The following SCYL3 variants were observed in gnomAD, a reference collection of about 807,000 sequenced individuals.
SCYL3 encodes the protein SCY1 like pseudokinase 3, also known as protein-associating with the carboxyl-terminal domain of ezrin.
Under a neutral mutation model 73.8 loss-of-function variants are expected in SCYL3, and 35 were observed. That is an observed-to-expected ratio of 0.47 (90% CI 0.36 to 0.63). The LOEUF (loss-of-function observed/expected upper bound fraction) is 0.63, where lower values mean the gene tolerates loss of function less well. SCYL3 is among the 20% of genes least tolerant of loss of function. The pLI is 0.00. For missense variants in SCYL3, 712 were observed against 798.9 expected (o/e 0.89, Z 1.31); for synonymous variants, 277 against 295.2 (o/e 0.94, Z 0.63).
intron 12 of SCYL3, 107 bp downstream of exon 12, chr1:169,854,163 T>TGACTTGACTA: frequency 1.1e-6 from 1 of 892,338 alleles, no homozygotes; most frequent in Non-Finnish European, 1.7e-6. Flanking sequence ...GTGCTTGACT[T>TGACTTGACTA]GACTAGGAAA....
chr1:169,886,193 C>T (rs747048703), intron 2 of SCYL3, among the ~76,000 whole-genome samples: 4 of 152,094 alleles, frequency 2.6e-5, no homozygotes, highest in Admixed American at 6.5e-5. Flanking sequence ...TGCCTGTAAT[C>T]CCAGCTACGT....
At chr1:169,880,580 T>A (rs1661168647) in intron 2 of SCYL3, among the ~76,000 whole-genome samples, 1 of 88,318 alleles carries the variant, frequency 1.1e-5, no homozygotes, top group African/African-American at 3.6e-5. Context: ...AAAGGCAAAA[T>A]AAAAGCACTT....
rs758947038 is a variant in SCYL3, at chr1:169,852,628, A to ATAT, written c.*1082_*1084dup. The ATAT allele has an allele frequency of 7.4e-6, 5 of 676,986 alleles. No homozygotes were observed. The highest frequency in any genetic ancestry group is 1.8e-5 in the African/African-American group (1 of 55,118). 41.9% of individuals were successfully genotyped at this position (676,986 alleles called of 1,614,324 possible). A position where few individuals can be genotyped will look rare whatever the true frequency, so the allele number is the denominator to read the frequency against. The stretch of plus-strand genomic sequence containing the variant: ...CTATGATAAACCAAAATGCCTTTAC[A>ATAT]TATTTTTCTAGATGACTGTGTAGGG... On this transcript the variant is annotated 3_prime_UTR_variant, in exon 13 of 13. Transcript: ENST00000367771.
In SCYL3 at chr1:169,849,827, G is replaced by T. The variant is rs187942927; in HGVS notation, c.*3886C>A. On this transcript the variant is annotated 3_prime_UTR_variant, in exon 13 of 13. Coordinates refer to ENST00000367771, the MANE Select transcript of SCYL3 (RefSeq NM_020423.7). ...TCTGAATAAACAAGGACCAGAACAG[G>T]CATACACAGCAGGCCTACTGATACA... 3.7e-6 allele frequency: 2 copies of T among 540,326 alleles called. No homozygotes were observed. The highest frequency in any genetic ancestry group is 6.4e-5 in the East Asian group (2 of 31,436). The allele number at this position is 540,326 out of a possible 1,614,324, so 33.5% of individuals were successfully genotyped here.
At chr1:169,857,772 T>G (rs981544766) in intron 11 of SCYL3, among the ~76,000 whole-genome samples, 1 of 152,154 alleles carries the variant, frequency 6.6e-6, no homozygotes, top group Non-Finnish European at 1.5e-5. Flanking sequence ...GGGGACATGT[T>G]CTGAGAAATG....
chr1:169,864,603 T>C lies in SCYL3; in HGVS notation c.816-95A>G, dbSNP rs959861245. 58 of 1,217,244 alleles carry C rather than the reference T, an allele frequency of 4.8e-5. No individual in the cohort carries two copies. The Admixed American group carries it at 4.9e-4, about 10-fold the overall frequency. 75.4% of individuals were successfully genotyped at this position (1,217,244 alleles called of 1,614,324 possible). A position where few individuals can be genotyped will look rare whatever the true frequency, so the allele number is the denominator to read the frequency against. ...CTACACACATCCTCTCTCTCACTTC[T>C]ATCAAAGTGATGCATTTGAAATGGA... On this transcript the variant is annotated intron_variant, in intron 8 of 12. Coordinates refer to ENST00000367771, the MANE Select transcript of SCYL3 (RefSeq NM_020423.7).
Position 169,850,455 on chromosome 1 carries a change from G to A in SCYL3, c.*3258C>T, listed in dbSNP as rs905162562. On this transcript the variant is annotated 3_prime_UTR_variant, in exon 13 of 13. Coordinates refer to ENST00000367771, the MANE Select transcript of SCYL3 (RefSeq NM_020423.7). ...CTTCTTAGCTTAAACTTTTCACAGTGCTGAGCACAGTGCTGACGACTTTTA... is the reference window on the plus strand; with the variant it reads ...CTTCTTAGCTTAAACTTTTCACAGTACTGAGCACAGTGCTGACGACTTTTA... 1.2e-4 allele frequency: 90 copies of A among 726,452 alleles called. No individual in the cohort carries two copies. Among genetic ancestry groups the A allele is most frequent in the East Asian group, 1.6e-4 (6 of 37,148 alleles). The allele number at this position is 726,452 out of a possible 1,614,324, so 45.0% of individuals were successfully genotyped here.
intron 3 of SCYL3, among the ~76,000 whole-genome samples, chr1:169,877,337 T>C (rs1260004328): frequency 1.3e-5 from 2 of 152,062 alleles, no homozygotes; most frequent in Non-Finnish European, 2.9e-5. Context: ...TGAAATGTTT[T>C]TGTAGAGATA....
At chr1:169,868,132 G>A (rs983632861) in intron 7 of SCYL3, among the ~76,000 whole-genome samples, 5 of 152,264 alleles carry the variant, frequency 3.3e-5, no homozygotes, top group Admixed American at 3.3e-4. Context: ...AACCATAAAT[G>A]CTACTTATTT....
intron 1 of SCYL3, among the ~76,000 whole-genome samples, chr1:169,889,194 T>C (rs1429167600): frequency 6.6e-6 from 1 of 152,232 alleles, no homozygotes; most frequent in Non-Finnish European, 1.5e-5. Context: ...TAATTCATAC[T>C]TCCTAACTCA....
chr1:169,874,567 G>A (rs1660658078), intron 4 of SCYL3, among the ~76,000 whole-genome samples: 1 of 152,186 alleles, frequency 6.6e-6, no homozygotes, highest in South Asian at 2.1e-4. Context: ...TGTGAAGGAA[G>A]AAGGCATATG....
chr1:169,886,094 C>T (rs1261415560), intron 2 of SCYL3, among the ~76,000 whole-genome samples: 2 of 152,122 alleles, frequency 1.3e-5, no homozygotes, highest in Non-Finnish European at 2.9e-5. Flanking sequence ...AGGCGGATCA[C>T]GAGGTCGAGA....
chr1:169,881,775 T>G (rs1315637620), intron 2 of SCYL3, among the ~76,000 whole-genome samples: 1 of 152,174 alleles, frequency 6.6e-6, no homozygotes, highest in Non-Finnish European at 1.5e-5. Flanking sequence ...ATGAACACAA[T>G]TTTTTCATGG....
Position 169,854,605 on chromosome 1 carries a change from ACT to A in SCYL3, c.1670_1671del (p.Glu557ValfsTer13). The A allele has an allele frequency of 6.2e-7, 1 of 1,613,714 alleles. No individual in the cohort carries two copies. ...GGTAAGCTTGATTTCCAAGGCATAG[ACT>A]CTTCAGTGAGTGAAAGCAAAGCAGG... ...PIPALLSLTE[E>X]SMPWKSSLPQ... On this transcript the variant is annotated frameshift_variant, in exon 12 of 13. Coordinates refer to ENST00000367771, the MANE Select transcript of SCYL3 (RefSeq NM_020423.7). LOFTEE classifies it high-confidence loss of function.
At chr1:169,877,006 A>G (rs986318430) in intron 3 of SCYL3, among the ~76,000 whole-genome samples, 1 of 149,872 alleles carries the variant, frequency 6.7e-6, no homozygotes, top group Non-Finnish European at 1.5e-5. Flanking sequence ...CCCACAGACC[A>G]CAAAAGAGCC....
In SCYL3 at chr1:169,849,892, G is replaced by A; in HGVS notation, c.*3821C>T. 2.1e-6 allele frequency: 1 copy of A among 468,498 alleles called. No homozygotes were observed. The highest frequency in any genetic ancestry group is 3.8e-5 in the East Asian group (1 of 25,996). The allele number at this position is 468,498 out of a possible 1,614,324, so 29.0% of individuals were successfully genotyped here. On this transcript the variant is annotated 3_prime_UTR_variant, in exon 13 of 13. Coordinates refer to ENST00000367771, the MANE Select transcript of SCYL3 (RefSeq NM_020423.7). ...CAGTCTTCCAGCAGATAGTATTTTTGGGTCAAATGATAATACATTTCATTT... is the reference window on the plus strand; with the variant it reads ...CAGTCTTCCAGCAGATAGTATTTTTAGGTCAAATGATAATACATTTCATTT...
At chr1:169,864,775 C>T (rs1283936241) in intron 8 of SCYL3, among the ~76,000 whole-genome samples, 1 of 152,076 alleles carries the variant, frequency 6.6e-6, no homozygotes, top group Non-Finnish European at 1.5e-5. Context: ...GCTTGGCCAA[C>T]ATGGTGAAAC....
intron 9 of SCYL3, among the ~76,000 whole-genome samples, chr1:169,863,624 C>G (rs556414113): frequency 6.6e-6 from 1 of 152,212 alleles, no homozygotes; most frequent in African/African-American, 2.4e-5. Flanking sequence ...ACCAATGGAT[C>G]AAGCAAAGAG....
At chr1:169,893,613 A>G (rs1342078104) in intron 1 of SCYL3, among the ~76,000 whole-genome samples, 175 bp downstream of exon 1, 3 of 151,772 alleles carry the variant, frequency 2.0e-5, no homozygotes, top group African/African-American at 4.8e-5. Flanking sequence ...GCTGCTCCGA[A>G]GCTGAGAGCA....
Sources: allele counts gnomAD v4.1 joint callset (sites outside exome capture counted in the v4.1 genomes callset), GRCh38; gene constraint gnomAD v4.1.1; transcripts MANE v1.5; gene names NCBI Gene and HGNC (gene_info 2026-07-23, HGNC 2026-07-21).